ECM2: variants seen among roughly 807,000 people sequenced by gnomAD.
ECM2 encodes the protein extracellular matrix protein 2, female organ and adipocyte specific.
In ECM2, 57 loss-of-function variants were observed where a neutral mutation model predicts 67.5. That is an observed-to-expected ratio of 0.84 (90% CI 0.68 to 1.05). The LOEUF is 1.05. Among genes scored for constraint, ECM2 ranks in the 50% least tolerant of loss-of-function variants. ECM2 has a pLI of 0.00. For missense variants in ECM2, 741 were observed against 822.8 expected, an observed-to-expected ratio of 0.90 and a Z score of 1.22; for synonymous variants, 258 against 294.5, an observed-to-expected ratio of 0.88 and a Z score of 1.27.
intron 2 of ECM2, among the ~76,000 whole-genome samples, chr9:92,518,249 T>C (rs1331937048): frequency 1.3e-5 from 2 of 152,264 alleles, no homozygotes; most frequent in Middle Eastern, 3.2e-3. Flanking sequence ...CAGCTCATCA[T>C]ATTCACTCAG....
the ECM2 span, among the ~76,000 whole-genome samples, chr9:92,552,516 G>T: frequency 7.9e-5 from 12 of 151,880 alleles, no homozygotes; most frequent in Non-Finnish European, 1.2e-4. Context: ...ACTGTTTTTT[G>T]ATTTTTTTAT....
rs555656932 is a variant in ECM2 at position 92,530,102 on chromosome 9, C to T, written c.-28+5831G>A. ...ATATGTGTATTATATGCAAATACTA[C>T]ACCATTTTATATAAGGAACTTGAGC... On this transcript the variant is annotated intron_variant, in intron 1 of 9. Transcript: ENST00000344604. 6.5e-4 allele frequency among the ~76,000 whole-genome samples: 99 copies of T among 152,186 alleles called. 1 individual carries two copies. Among genetic ancestry groups the T allele is most frequent in the African/African-American group, 2.3e-3 (95 of 41,522 alleles).
At chr9:92,515,987 G>C (rs1039153944) in intron 3 of ECM2, among the ~76,000 whole-genome samples, 3 of 151,862 alleles carry the variant, frequency 2.0e-5, no homozygotes, top group Non-Finnish European at 4.4e-5. Flanking sequence ...AGAAAGTGGG[G>C]AAGACATGAC....
intron 6 of ECM2, among the ~76,000 whole-genome samples, chr9:92,506,557 C>T (rs1026174090): frequency 6.6e-6 from 1 of 152,178 alleles, no homozygotes; most frequent in Admixed American, 6.5e-5. Context: ...ATTCAACCCC[C>T]TTCATGGGCA....
chr9:92,533,322 A>ATAT (rs1233792688), intron 1 of ECM2, among the ~76,000 whole-genome samples: 1 of 89,522 alleles, frequency 1.1e-5, no homozygotes, highest in East Asian at 6.0e-4. Context: ...AAAAAAAAAA[A>ATAT]AAAAAAATAT....
chr9:92,513,974 G>A (rs533745810), intron 4 of ECM2, among the ~76,000 whole-genome samples: 6 of 152,288 alleles, frequency 3.9e-5, no homozygotes, highest in African/African-American at 1.4e-4. Context: ...ATTTGGAGGA[G>A]TTTGCTTTAT....
At chr9:92,525,201 C>G (rs570738429) in intron 1 of ECM2, among the ~76,000 whole-genome samples, 2 of 152,216 alleles carry the variant, frequency 1.3e-5, no homozygotes, top group East Asian at 3.9e-4. Context: ...ACCTGTAGTC[C>G]TAGCTACTCA....
chr9:92,555,971 G>C, the ECM2 span, among the ~76,000 whole-genome samples: 2 of 152,012 alleles, frequency 1.3e-5, no homozygotes, highest in African/African-American at 4.8e-5. Flanking sequence ...CTAGTTCCTT[G>C]AGTTGTGACC....
the ECM2 span, among the ~76,000 whole-genome samples, chr9:92,544,997 T>C: frequency 5.3e-5 from 8 of 152,320 alleles, no homozygotes; most frequent in East Asian, 1.5e-3. Context: ...GTGCTGGGAT[T>C]ACCGGTGTGA....
rs1165408255 is a variant in ECM2 at position 92,515,066 on chromosome 9, T to C, written c.619A>G (p.Arg207Gly). The change falls in exon 4 of 10, where the codon AGA becomes GGA. Residue 207 changes from arginine to glycine, a missense_variant. By Grantham distance (125) the Arg-to-Gly change is moderately radical (BLOSUM62 -2). Transcript: ENST00000344604. ...TCCTCAGATTGAAGTGCTTCTTTTC[T>C]TACTATTCGGTCCATTCCCACCTGA... is the stretch of plus-strand genomic sequence containing the variant. ...PPQVGMDRIV[R>G]KEALQSEEDE... The C allele has an allele frequency of 6.2e-7, 1 of 1,614,166 alleles. No individual in the cohort carries two copies. The highest frequency in any genetic ancestry group is 1.1e-5 in the South Asian group (1 of 91,078).
At chr9:92,509,733 C>T (rs1159767361) in intron 6 of ECM2, among the ~76,000 whole-genome samples, 166 bp downstream of exon 6, 4 of 152,138 alleles carry the variant, frequency 2.6e-5, no homozygotes, top group Admixed American at 6.5e-5. Context: ...ATTCATTTTA[C>T]GTTTTACCAG....
At position 92,495,444 on chromosome 9, in the gene ECM2, C is replaced by T. The variant is rs575274402; in HGVS notation, c.*871G>A. On this transcript the variant is annotated 3_prime_UTR_variant, in exon 10 of 10. Transcript: ENST00000344604. ...AAGGCAAAGGAGATAGATGCTATGACCAGTGGTGCAAAATTTTTCAAAAAT... is the reference window on the plus strand; with the variant it reads ...AAGGCAAAGGAGATAGATGCTATGATCAGTGGTGCAAAATTTTTCAAAAAT... 2 of 985,010 alleles carry T rather than the reference C, an allele frequency of 2.0e-6. No homozygotes were observed. Among genetic ancestry groups the T allele is most frequent in the African/African-American group, 1.7e-5 (1 of 57,170 alleles). 61.0% of individuals were successfully genotyped at this position (985,010 alleles called of 1,614,324 possible). A position where few individuals can be genotyped will look rare whatever the true frequency, so the allele number is the denominator to read the frequency against.
rs376172195 is a variant in ECM2 at position 92,509,922 on chromosome 9, G to A, written c.1283C>T (p.Ala428Val). ...ACCTGATAAACTTTCTTCATCGATA[G>A]CCTGAAGATTGTTCTCATTGACTTT... is the stretch of plus-strand genomic sequence containing the variant. ...ELKVNENNLQ[A>V]IDEESLSDLN... Residue 428 changes from alanine to valine, a missense_variant, in exon 6 of 10, where the codon GCT becomes GTT. Ala to Val is a moderately conservative substitution (Grantham distance 64). Transcript: ENST00000344604. 3.1e-6 allele frequency: 5 copies of A among 1,603,558 alleles called. No individual in the cohort carries two copies. The African/African-American group carries it at 4.0e-5, about 13-fold the overall frequency.
intron 1 of ECM2, among the ~76,000 whole-genome samples, chr9:92,531,302 C>T (rs1337013724): frequency 7.2e-5 from 11 of 152,078 alleles, no homozygotes; most frequent in South Asian, 4.2e-4. Flanking sequence ...CCACATACAT[C>T]CTTGACTTAT....
intron 1 of ECM2, among the ~76,000 whole-genome samples, chr9:92,528,404 A>G (rs1848545098): frequency 6.6e-6 from 1 of 152,226 alleles, no homozygotes; most frequent in African/African-American, 2.4e-5. Flanking sequence ...CCTAGGGCAG[A>G]GTACAGAGAG....
Position 92,495,555 on chromosome 9 carries a change from G to A in ECM2, c.*760C>T. On this transcript the variant is annotated 3_prime_UTR_variant, in exon 10 of 10. Transcript: ENST00000344604. ...CAAACTCTACTGCTTTTCAAAAAAT[G>A]TCTTAATCTTGAGTGAGGAATAGTG... 1.0e-6 allele frequency: 1 copy of A among 980,020 alleles called. No individual in the cohort carries two copies. The highest frequency in any genetic ancestry group is 1.2e-6 in the Non-Finnish European group (1 of 825,054). The allele number at this position is 980,020 out of a possible 1,614,324, so 60.7% of individuals were successfully genotyped here.
downstream of ECM2, chr9:92,494,056 G>A (rs1259215681): frequency 1.4e-5 from 22 of 1,595,312 alleles, no homozygotes; most frequent in Non-Finnish European, 1.7e-5. Flanking sequence ...CTGCTTACTT[G>A]TCTGTTTGAT....
intron 7 of ECM2, 54 bp from the exon 8 acceptor site, chr9:92,502,706 A>C: frequency 7.2e-7 from 1 of 1,389,352 alleles, no homozygotes; most frequent in Non-Finnish European, 9.8e-7. Flanking sequence ...TGATACGTTC[A>C]ATTTCATGGA....
intron 5 of ECM2, 36 bp from the exon 6 acceptor site, chr9:92,510,070 A>G (rs779180423): frequency 1.9e-6 from 3 of 1,574,774 alleles, no homozygotes; most frequent in Non-Finnish European, 2.6e-6. Flanking sequence ...TTTTTTATCT[A>G]GTCACAGCTG....
Sources: allele counts gnomAD v4.1 joint callset (sites outside exome capture counted in the v4.1 genomes callset), GRCh38; gene constraint gnomAD v4.1.1; transcripts MANE v1.5; gene names NCBI Gene and HGNC (gene_info 2026-07-23, HGNC 2026-07-21).